MAPK10: variants seen among roughly 807,000 people sequenced by gnomAD.
MAPK10 encodes the protein JNK3 alpha protein kinase.
In MAPK10, 25 loss-of-function variants were observed where a neutral mutation model predicts 59.3. That is an observed-to-expected ratio of 0.42 (90% CI 0.31 to 0.59). MAPK10 has a LOEUF of 0.59. Ranked by LOEUF, MAPK10 falls within the 20% of genes least tolerant of loss-of-function variation. The probability of loss-of-function intolerance (pLI) is 0.15; values close to 1 mark genes in which losing one functional copy is unlikely to be tolerated. For missense variants in MAPK10, 351 were observed against 568.9 expected, an observed-to-expected ratio of 0.62 and a Z score of 3.90; for synonymous variants, 190 against 200.5, an observed-to-expected ratio of 0.95 and a Z score of 0.44.
intron 1 of MAPK10, among the ~76,000 whole-genome samples, chr4:86,461,667 C>T (rs1171730461): frequency 6.6e-6 from 1 of 152,108 alleles, no homozygotes; most frequent in African/African-American, 2.4e-5. Context: ...AGTAACAGAG[C>T]AGATTTGTTT....
At chr4:86,079,514 A>T (rs2050201040) in intron 9 of MAPK10, 1 of 152,182 alleles carries the variant, frequency 6.6e-6, no homozygotes, top group Non-Finnish European at 1.5e-5. Context: ...GTTGTATGAT[A>T]TTCTGACCTC....
At chr4:86,547,455 T>C in intron 1 of MAPK10, among the ~76,000 whole-genome samples, 1 of 152,212 alleles carries the variant, frequency 6.6e-6, no homozygotes, top group East Asian at 1.9e-4. Flanking sequence ...GCAACTGCTG[T>C]GCTCAAAATT....
intron 2 of MAPK10, among the ~76,000 whole-genome samples, chr4:86,244,613 G>C (rs1039174053): frequency 1.3e-5 from 2 of 152,086 alleles, no homozygotes; most frequent in Non-Finnish European, 2.9e-5. Flanking sequence ...ATGAAAACAG[G>C]CTCCTGTAGG....
At chr4:86,451,173 T>C (rs948299664) in intron 1 of MAPK10, among the ~76,000 whole-genome samples, 7 of 152,070 alleles carry the variant, frequency 4.6e-5, no homozygotes, top group African/African-American at 1.7e-4. Flanking sequence ...GTTTGTAGAG[T>C]CCTCTACAAA....
At chr4:86,499,670 C>T (rs1395505902) in intron 1 of MAPK10, among the ~76,000 whole-genome samples, 1 of 152,170 alleles carries the variant, frequency 6.6e-6, no homozygotes, top group Non-Finnish European at 1.5e-5. Flanking sequence ...CATCTATTCT[C>T]TTCTTTTTCC....
rs866348073 is a variant in MAPK10, at chr4:86,511,541, T to G, written c.-263+82369A>C. ...GATCGCACCACTCTGCTCTCCAGCC[T>G]GGGCGATAGAACCAGATCTTGTCTT... On this transcript the variant is annotated intron_variant, in intron 1 of 4. Transcript: ENST00000502302. Among the ~76,000 whole-genome samples, 46 of 151,520 alleles carry G rather than the reference T, an allele frequency of 3.0e-4. 1 individual carries two copies. Among genetic ancestry groups the G allele is most frequent in the Admixed American group, 2.2e-3 (34 of 15,178 alleles).
intron 1 of MAPK10, among the ~76,000 whole-genome samples, chr4:86,589,099 AAAAC>A (rs1343405127): frequency 2.6e-5 from 4 of 152,200 alleles, no homozygotes; most frequent in Non-Finnish European, 4.4e-5. Context: ...TAAAATGTGA[AAAAC>A]AAAGCCATAA....
intron 2 of MAPK10, among the ~76,000 whole-genome samples, chr4:86,242,957 C>A (rs1038385409): frequency 6.6e-6 from 1 of 152,170 alleles, no homozygotes; most frequent in South Asian, 2.1e-4. Context: ...CATGGGTTTG[C>A]GAGTGGGATC....
chr4:86,055,517 G>T (rs922865961), intron 11 of MAPK10, among the ~76,000 whole-genome samples: 1 of 149,556 alleles, frequency 6.7e-6, no homozygotes, highest in Non-Finnish European at 1.5e-5. Flanking sequence ...AAAGTAATAA[G>T]CATGTTTCAA....
At chr4:86,266,925 T>C (rs1286375296) in intron 2 of MAPK10, among the ~76,000 whole-genome samples, 1 of 152,078 alleles carries the variant, frequency 6.6e-6, no homozygotes, top group Admixed American at 6.6e-5. Flanking sequence ...TATTTATGTA[T>C]TTTCTTTTGG....
At chr4:86,136,167 T>C (rs1345895381) in intron 4 of MAPK10, among the ~76,000 whole-genome samples, 16 of 152,074 alleles carry the variant, frequency 1.1e-4, no homozygotes, top group Admixed American at 2.0e-4. Context: ...AACGTTCACA[T>C]TCAGGAAACA....
intron 1 of MAPK10, among the ~76,000 whole-genome samples, chr4:86,507,436 C>G (rs77434260): frequency 0.048 from 7,277 of 150,958 alleles, 229 homozygotes; most frequent in African/African-American, 0.061. Flanking sequence ...CCACCAAAAA[C>G]AAAACTAAGC....
At position 86,011,709 on chromosome 4, in the gene MAPK10, A is replaced by G. The variant is rs895701356; in HGVS notation, c.*5519T>C. ...GATCTGTGATTTAAACTAGGATAGA[A>G]GCTGTTCCAGAGATAACAAAAAGCT... is the stretch of plus-strand genomic sequence containing the variant. On this transcript the variant is annotated 3_prime_UTR_variant, in exon 14 of 14. Coordinates refer to ENST00000641462, the MANE Select transcript of MAPK10 (RefSeq NM_138982.4). 2.0e-5 allele frequency: 3 copies of G among 152,228 alleles called. No homozygotes were observed. Among genetic ancestry groups the G allele is most frequent in the Non-Finnish European group, 2.9e-5 (2 of 68,036 alleles). 9.4% of individuals were successfully genotyped at this position (152,228 alleles called of 1,614,324 possible). A position where few individuals can be genotyped will look rare whatever the true frequency, so the allele number is the denominator to read the frequency against.
Position 86,035,704 on chromosome 4 carries a change from A to G in MAPK10, c.1111-4273T>C, listed in dbSNP as rs998820957. Among the ~76,000 whole-genome samples, 14 of 152,310 alleles carry G rather than the reference A, an allele frequency of 9.2e-5. No individual in the cohort carries two copies. The South Asian group carries it at 1.7e-3, about 18-fold the overall frequency. On this transcript the variant is annotated intron_variant, in intron 11 of 13. Coordinates refer to ENST00000641462, the MANE Select transcript of MAPK10 (RefSeq NM_138982.4). ...TGGGAGAGAAGAATATGAGTCCCCA[A>G]TTTCTAAGCTGAGTACCTGGGAAGA...
chr4:86,382,072 A>G (rs758803339), intron 1 of MAPK10, among the ~76,000 whole-genome samples: 8 of 152,152 alleles, frequency 5.3e-5, no homozygotes, highest in Non-Finnish European at 7.3e-5. Flanking sequence ...ATGTTTAGCA[A>G]GAAGCATCCT....
chr4:86,532,983 A>C (rs1237772517), intron 1 of MAPK10, among the ~76,000 whole-genome samples: 4 of 152,084 alleles, frequency 2.6e-5, no homozygotes, highest in African/African-American at 9.7e-5. Flanking sequence ...CTTCCCCTCC[A>C]ATGTGTGTTT....
chr4:86,408,229 C>T (rs765402721), intron 1 of MAPK10, among the ~76,000 whole-genome samples: 4 of 152,106 alleles, frequency 2.6e-5, no homozygotes, highest in Non-Finnish European at 4.4e-5. Context: ...AGGACATGAA[C>T]TCATCATTTT....
chr4:86,256,058 C>A lies in MAPK10; in HGVS notation c.-6-61651G>T, dbSNP rs565815898. Among the ~76,000 whole-genome samples the A allele has an allele frequency of 2.6e-5, 4 of 152,316 alleles. No homozygotes were observed. In the East Asian group the frequency reaches 5.8e-4, roughly 22 times the overall value. ...ACAGTATTACTGAATGAAGCAATTA[C>A]AGGCACCAGACAAGTTTCTACATTT... On this transcript the variant is annotated intron_variant, in intron 2 of 13. Transcript: ENST00000641462.
intron 1 of MAPK10, among the ~76,000 whole-genome samples, chr4:86,524,790 G>A (rs1195561081): frequency 1.4e-5 from 2 of 147,036 alleles, no homozygotes; most frequent in Non-Finnish European, 3.0e-5. Flanking sequence ...CTATCCATTA[G>A]ATAATTAACC....
Sources: allele counts gnomAD v4.1 joint callset (sites outside exome capture counted in the v4.1 genomes callset), GRCh38; gene constraint gnomAD v4.1.1; transcripts MANE v1.5; gene names NCBI Gene and HGNC (gene_info 2026-07-23, HGNC 2026-07-21).